The following MTHFD2L variants were observed in gnomAD, a reference collection of about 807,000 sequenced individuals.
MTHFD2L encodes the protein methylenetetrahydrofolate dehydrogenase (NADP+ dependent) 2 like, also known as bifunctional methylenetetrahydrofolate dehydrogenase/cyclohydrolase 2, mitochondrial.
A neutral mutation model predicts 34.9 loss-of-function variants in MTHFD2L; 29 were observed. The observed-to-expected ratio is 0.83, with a 90% CI of 0.62 to 1.13. MTHFD2L has a LOEUF of 1.13. Ranked by LOEUF, MTHFD2L falls within the 50% of genes most tolerant of loss-of-function variation. The pLI is 0.00. For missense variants in MTHFD2L, 481 were observed against 446.5 expected (o/e 1.08, Z -0.70); for synonymous variants, 167 against 155.7 (o/e 1.07, Z -0.54).
intron 7 of MTHFD2L, among the ~76,000 whole-genome samples, chr4:74,295,784 T>A (rs1447306686): frequency 6.6e-6 from 1 of 152,102 alleles, no homozygotes; most frequent in Non-Finnish European, 1.5e-5. Flanking sequence ...TTTCCAAGAG[T>A]TCAGGCTGCT....
intron 6 of MTHFD2L, chr4:74,242,330 G>C (rs1356300555): frequency 2.0e-5 from 3 of 151,966 alleles, no homozygotes; most frequent in East Asian, 1.9e-4. Context: ...TAAAAACTTA[G>C]TGGTTGGTAG....
At chr4:74,189,578 G>T (rs965159301) in intron 3 of MTHFD2L, among the ~76,000 whole-genome samples, 8 of 148,144 alleles carry the variant, frequency 5.4e-5, no homozygotes, top group Non-Finnish European at 1.2e-4. Flanking sequence ...CAGTGGGATT[G>T]GTTGGTGTCT....
At chr4:74,135,684 G>A (rs1722855238) in intron 1 of MTHFD2L, among the ~76,000 whole-genome samples, 2 of 78,574 alleles carry the variant, frequency 2.5e-5, no homozygotes, top group Admixed American at 3.4e-4. Context: ...ACCAAAACCA[G>A]ACAAGGACAC....
intron 2 of MTHFD2L, 61 bp downstream of exon 2, chr4:74,174,751 G>A (rs1414943473): frequency 8.6e-7 from 1 of 1,158,286 alleles, no homozygotes; most frequent in African/African-American, 1.6e-5. Context: ...ACTTCAAATT[G>A]TGATAATTAT....
rs949664121 is a variant in MTHFD2L, at chr4:74,174,691, G to A, written c.328+1G>A. ...AAGATAAGAGCTGCCTCTGCTGTAG[G>A]TGGGTGTGTGTTTTAGTTGTAATTA... On this transcript the variant is annotated splice_donor_variant, in intron 2 of 7. Transcript: ENST00000325278. LOFTEE classifies it high-confidence loss of function. 6 of 1,482,318 alleles carry A rather than the reference G, an allele frequency of 4.0e-6. No homozygotes were observed. Among genetic ancestry groups the A allele is most frequent in the Non-Finnish European group, 4.5e-6 (5 of 1,113,990 alleles). 91.8% of individuals were successfully genotyped at this position (1,482,318 alleles called of 1,614,324 possible).
chr4:74,120,410 CA>C (rs1282802804), upstream of MTHFD2L, among the ~76,000 whole-genome samples: 1 of 152,196 alleles, frequency 6.6e-6, no homozygotes, highest in East Asian at 1.9e-4. Flanking sequence ...CTTTTGTTGC[CA>C]ACTAATACCA....
chr4:74,190,231 G>C (rs1008398069), intron 3 of MTHFD2L, among the ~76,000 whole-genome samples: 1 of 152,114 alleles, frequency 6.6e-6, no homozygotes, highest in Admixed American at 6.5e-5. Context: ...ATATTTGACA[G>C]AAGTTACCAA....
intron 5 of MTHFD2L, among the ~76,000 whole-genome samples, chr4:74,218,988 A>G (rs890485203): frequency 6.6e-6 from 1 of 152,078 alleles, no homozygotes; most frequent in Non-Finnish European, 1.5e-5. Context: ...CAACAAAAAT[A>G]ATATAAAAAT....
chr4:74,288,466 G>A (rs898665315), intron 7 of MTHFD2L: 3 of 152,172 alleles, frequency 2.0e-5, no homozygotes, highest in Non-Finnish European at 4.4e-5. Context: ...CTACACTTTG[G>A]TAAATAATAA....
At chr4:74,300,467 T>C (rs1750162410) in intron 7 of MTHFD2L, among the ~76,000 whole-genome samples, 1 of 152,084 alleles carries the variant, frequency 6.6e-6, no homozygotes, top group South Asian at 2.1e-4. Flanking sequence ...TTTTGATTCA[T>C]GCAGAAGTCT....
At chr4:74,234,127 C>T (rs1324124178) in intron 6 of MTHFD2L, among the ~76,000 whole-genome samples, 1 of 152,000 alleles carries the variant, frequency 6.6e-6, no homozygotes, top group Non-Finnish European at 1.5e-5. Flanking sequence ...TGGGTCCATG[C>T]ATGTATATCA....
At chr4:74,121,246 A>G (rs1721748145), upstream of MTHFD2L, among the ~76,000 whole-genome samples, 1 of 152,180 alleles carries the variant, frequency 6.6e-6, no homozygotes, top group Admixed American at 6.6e-5. Context: ...TGTCCATCCT[A>G]GAAGAGGATC....
chr4:74,203,894 G>A (rs1442801245), intron 5 of MTHFD2L, among the ~76,000 whole-genome samples: 2 of 31,086 alleles, frequency 6.4e-5, no homozygotes, highest in African/African-American at 1.5e-4. Context: ...GAGCCAATTT[G>A]CAGTTTTTTT....
intron 1 of MTHFD2L, among the ~76,000 whole-genome samples, chr4:74,171,869 A>T (rs921792071): frequency 2.6e-5 from 4 of 152,216 alleles, no homozygotes; most frequent in African/African-American, 7.2e-5. Context: ...AAATGTTTGT[A>T]ACAGCTGTAT....
intron 1 of MTHFD2L, among the ~76,000 whole-genome samples, chr4:74,130,326 C>G (rs184503739): frequency 1.3e-5 from 2 of 152,024 alleles, no homozygotes; most frequent in Non-Finnish European, 2.9e-5. Flanking sequence ...AACATTGATG[C>G]GAAAATCCTC....
At position 74,225,374 on chromosome 4, in the gene MTHFD2L, A is replaced by T. The variant is rs1184791204; in HGVS notation, c.785A>T (p.Asp262Val). Reference sequence around the variant, plus strand: ...CTGAAGATTCATACGCAGCTGGCAGATATTATCATAGTTGCTGCAGGTAAG... The same window carrying T: ...CTGAAGATTCATACGCAGCTGGCAGTTATTATCATAGTTGCTGCAGGTAAG... ...EQLKIHTQLA[D>V]IIIVAAGIPK... Residue 262 changes from aspartate (D) to valine (V), a missense_variant, in exon 6 of 8, where the codon GAT becomes GTT. By Grantham distance (152) the Asp-to-Val change is radical. Transcript: ENST00000325278. 1.2e-6 allele frequency: 2 copies of T among 1,612,904 alleles called. No individual in the cohort carries two copies. The highest frequency in any genetic ancestry group is 1.7e-6 in the Non-Finnish European group (2 of 1,179,240).
At chr4:74,268,274 C>T (rs1745555857) in intron 6 of MTHFD2L, 1 of 982,446 alleles carries the variant, frequency 1.0e-6, no homozygotes, top group South Asian at 4.7e-5. Context: ...GAAAGTTTTT[C>T]TAATCTAGAA....
chr4:74,195,447 A>G (rs1733307019), intron 3 of MTHFD2L: 3 of 152,222 alleles, frequency 2.0e-5, no homozygotes, highest in Admixed American at 1.3e-4. Context: ...GAGTAGTATC[A>G]TGAACATGGT....
intron 5 of MTHFD2L, among the ~76,000 whole-genome samples, chr4:74,201,966 T>C (rs1734515549): frequency 6.6e-6 from 1 of 152,144 alleles, no homozygotes; most frequent in Non-Finnish European, 1.5e-5. Context: ...AATAGCTAGA[T>C]ACAGAATAGC....
Sources: gnomAD v4.1 joint callset for allele counts (sites outside exome capture counted in the v4.1 genomes callset) on GRCh38, gnomAD v4.1.1 for gene constraint, MANE v1.5 for transcripts, NCBI Gene and HGNC (gene_info 2026-07-23, HGNC 2026-07-21) for gene names.